HIVEP2: variants seen among roughly 807,000 people sequenced by gnomAD.
HIVEP2 encodes transcription factor HIVEP2.
Under a neutral mutation model 180.7 loss-of-function variants are expected in HIVEP2, and 14 were observed. That is an observed-to-expected ratio of 0.08 (90% CI 0.05 to 0.12). HIVEP2 has a LOEUF of 0.12. HIVEP2 is among the 10% of genes least tolerant of loss of function. HIVEP2 has a pLI of 1.00. For missense variants in HIVEP2, 2,579 were observed against 3,008.5 expected (o/e 0.86, Z 3.34); for synonymous variants, 1,184 against 1,136.4 (o/e 1.04, Z -0.84).
Position 142,929,899 on chromosome 6 carries a change from CTG to C in HIVEP2, c.-641+15198_-641+15199del, listed in dbSNP as rs1777901258. Among the ~76,000 whole-genome samples, 7 of 152,294 alleles carry C rather than the reference CTG, an allele frequency of 4.6e-5. No homozygotes were observed. The South Asian group carries it at 1.5e-3, about 32-fold the overall frequency. ...TTGAAAAGTCTTTGATATGGCCAGA[CTG>C]TATCTGACAGGCTGACTTGTTTCAC... On this transcript the variant is annotated intron_variant, in intron 1 of 9. Coordinates refer to ENST00000367603, the MANE Select transcript of HIVEP2 (RefSeq NM_006734.4).
Position 142,760,450 on chromosome 6 carries a change from C to T in HIVEP2, c.5838G>A (p.Leu1946=), listed in dbSNP as rs758624692. Residue 1946 remains leucine (L), a synonymous_variant, in exon 9 of 10, where the codon TTG becomes TTA. Coordinates refer to ENST00000367603, the MANE Select transcript of HIVEP2 (RefSeq NM_006734.4). ...TSPQPPRFSS[L]PVNVGAVPHG... The stretch of plus-strand genomic sequence containing the variant: ...GGGGTACGGCGCCAACATTCACAGG[C>T]AAGGAGGAGAATCTAGGAGGCTGAG... The T allele has an allele frequency of 3.7e-6, 6 of 1,614,146 alleles. No homozygotes were observed. The highest frequency in any genetic ancestry group is 5.1e-6 in the Non-Finnish European group (6 of 1,180,026).
chr6:142,771,704 C>T lies in HIVEP2; in HGVS notation c.3035G>A (p.Gly1012Asp). Residue 1012 changes from glycine (G) to aspartate (D), a missense_variant, in exon 5 of 10, where the codon GGT becomes GAT. This residue lies in a region of HIVEP2 where 523 missense variants were observed against 577.0 expected (regional missense o/e 0.91). Coordinates refer to ENST00000367603, the MANE Select transcript of HIVEP2 (RefSeq NM_006734.4). The surrounding 1 kb of genome is among the most constrained non-coding windows in gnomAD (Gnocchi z 5.4). ...KHSEFLTVPA[G>D]SYSLSVPGHH... ...GCCTGGGACAGACAATGAGTATGAA[C>T]CAGCAGGGACAGTCAGAAACTCTGA... The T allele has an allele frequency of 6.2e-7, 1 of 1,614,184 alleles. No individual in the cohort carries two copies. The highest frequency in any genetic ancestry group is 8.5e-7 in the Non-Finnish European group (1 of 1,180,040).
At position 142,753,513 on chromosome 6, in the gene HIVEP2, T is replaced by C. The variant is rs940602493; in HGVS notation, c.6935A>G (p.Glu2312Gly). ...PRLLMKQSTS[E>G]DSLNATEREQ... ...CCGCTCTGTTGCGTTTAGGCTGTCT[T>C]CCGAAGTGCTCTGTTTCATCAACAG... Residue 2312 changes from glutamate (E) to glycine (G), a missense_variant, in exon 10 of 10, where the codon GAA (glutamate) becomes GGA (glycine). Around this residue, in one of 11 missense-constraint regions of HIVEP2, gnomAD observed 660 missense variants for 731.7 expected, o/e 0.90. Transcript: ENST00000367603. 1 of 1,613,998 alleles carries C rather than the reference T, an allele frequency of 6.2e-7. No homozygotes were observed. Among genetic ancestry groups the C allele is most frequent in the South Asian group, 1.1e-5 (1 of 91,080 alleles).
chr6:142,870,383 A>G lies in HIVEP2; in HGVS notation c.-640-33336T>C, dbSNP rs545645466. ...TGGGAGGATTAAATGAAATCAATGT[A>G]CATGAAAGAACTTTATAAACTGCCA... On this transcript the variant is annotated intron_variant, in intron 1 of 9. Coordinates refer to ENST00000367603, the MANE Select transcript of HIVEP2 (RefSeq NM_006734.4). Among the ~76,000 whole-genome samples, 44 of 152,316 alleles carry G rather than the reference A, an allele frequency of 2.9e-4. 1 individual carries two copies. Among genetic ancestry groups the G allele is most frequent in the African/African-American group, 7.7e-4 (32 of 41,572 alleles).
chr6:142,775,616 C>T (rs1273151582), intron 4 of HIVEP2, among the ~76,000 whole-genome samples: 1 of 152,044 alleles, frequency 6.6e-6, no homozygotes, highest in Non-Finnish European at 1.5e-5. Context: ...GCAGGTGGAT[C>T]ACGAGGTCAA....
intron 1 of HIVEP2, among the ~76,000 whole-genome samples, chr6:142,842,578 G>C (rs1775394645): frequency 6.6e-6 from 1 of 152,206 alleles, no homozygotes; most frequent in Non-Finnish European, 1.5e-5. Context: ...GTCAAGTCGA[G>C]TGAAAGAAGG....
chr6:142,775,417 A>G (rs1412410368), intron 4 of HIVEP2, among the ~76,000 whole-genome samples: 1 of 152,244 alleles, frequency 6.6e-6, no homozygotes, highest in African/African-American at 2.4e-5. Context: ...GATATTATCT[A>G]CAAAAGTATA....
At chr6:142,901,129 C>A (rs1777123678) in intron 1 of HIVEP2, among the ~76,000 whole-genome samples, 2 of 152,236 alleles carry the variant, frequency 1.3e-5, no homozygotes, top group South Asian at 4.1e-4. Context: ...CAAACTGATT[C>A]TTTTCTTTGT....
chr6:142,873,512 T>C (rs1011801438), intron 1 of HIVEP2, among the ~76,000 whole-genome samples: 4 of 152,200 alleles, frequency 2.6e-5, no homozygotes, highest in Non-Finnish European at 4.4e-5. Flanking sequence ...TTATTAAAAC[T>C]TAAAAAATCA....
At chr6:142,822,095 C>T (rs995194264) in intron 2 of HIVEP2, among the ~76,000 whole-genome samples, 1 of 152,176 alleles carries the variant, frequency 6.6e-6, no homozygotes, top group African/African-American at 2.4e-5. Flanking sequence ...AAAGACGCTA[C>T]TTTTAATTCC....
chr6:142,871,086 T>C (rs1267565128), intron 1 of HIVEP2, among the ~76,000 whole-genome samples: 1 of 152,196 alleles, frequency 6.6e-6, no homozygotes, highest in African/African-American at 2.4e-5. Flanking sequence ...TTTTCTTAAG[T>C]TCAAGAAGAA....
chr6:142,756,017 T>C (rs1775057350), intron 9 of HIVEP2, among the ~76,000 whole-genome samples: 1 of 152,264 alleles, frequency 6.6e-6, no homozygotes, highest in African/African-American at 2.4e-5. Context: ...ACTTCCATCT[T>C]ACTTAAATCT....
intron 1 of HIVEP2, among the ~76,000 whole-genome samples, chr6:142,937,795 T>C (rs770539336): frequency 3.3e-5 from 5 of 152,214 alleles, no homozygotes; most frequent in African/African-American, 7.2e-5. Context: ...CCTTTCCGAA[T>C]GGAAGTTTCT....
intron 2 of HIVEP2, among the ~76,000 whole-genome samples, chr6:142,793,654 TTCTTTTTTCTTTCTTTCTTTCTCTCTC>T (rs1562521316): frequency 3.5e-4 from 22 of 62,726 alleles, no homozygotes; most frequent in African/African-American, 9.2e-4. Flanking sequence ...CTTTCTTTCT[TTCTTTTTTCTTTCTTTCTTTCTCTCTC>T]TCTCTCTCTC....
chr6:142,831,318 A>G (rs1775073661), intron 2 of HIVEP2, among the ~76,000 whole-genome samples: 1 of 152,184 alleles, frequency 6.6e-6, no homozygotes. Context: ...GTGGGAGGAC[A>G]TACAGGGCAC....
intron 2 of HIVEP2, among the ~76,000 whole-genome samples, chr6:142,789,322 C>G (rs1171567185): frequency 1.3e-5 from 2 of 152,202 alleles, no homozygotes; most frequent in African/African-American, 4.8e-5. Flanking sequence ...GCCATGCAAA[C>G]TTCTCCCAAC....
chr6:142,888,472 T>A (rs1235292924), intron 1 of HIVEP2, among the ~76,000 whole-genome samples: 1 of 152,136 alleles, frequency 6.6e-6, no homozygotes, highest in Non-Finnish European at 1.5e-5. Context: ...CATCCTTACA[T>A]CTCCTCATTG....
chr6:142,803,566 T>TACACACACACACACACACACACAC (rs10688831), intron 2 of HIVEP2, among the ~76,000 whole-genome samples: 2 of 141,640 alleles, frequency 1.4e-5, no homozygotes, highest in African/African-American at 2.6e-5. Flanking sequence ...ATATATAGCA[T>TACACACACACACACACACACACAC]ACACACACAC....
At chr6:142,892,006 C>T (rs1183822857) in intron 1 of HIVEP2, among the ~76,000 whole-genome samples, 1 of 152,184 alleles carries the variant, frequency 6.6e-6, no homozygotes, top group East Asian at 1.9e-4. Flanking sequence ...AGAAGAAAGG[C>T]TAGCTGACAC....
Sources: gnomAD v4.1 joint callset for allele counts (sites outside exome capture counted in the v4.1 genomes callset) on GRCh38, gnomAD v4.1.1 for gene constraint, gnomAD v4.1.1 regional missense constraint, Gnocchi (gnomAD v3.1) non-coding constraint, MANE v1.5 for transcripts, NCBI Gene and HGNC (gene_info 2026-07-23, HGNC 2026-07-21) for gene names.